Variants in P2RX1 observed in about 807,000 individuals in gnomAD.
P2RX1 encodes P2X purinoceptor 1.
In P2RX1, 42 loss-of-function variants were observed where a neutral mutation model predicts 50.3. That is an observed-to-expected ratio of 0.83 (90% CI 0.65 to 1.08). The LOEUF (loss-of-function observed/expected upper bound fraction) is 1.08. Among genes scored for constraint, P2RX1 ranks in the 50% least tolerant of loss-of-function variants. The pLI is 0.00. For missense variants in P2RX1, 449 were observed against 529.0 expected (o/e 0.85, Z 1.48); for synonymous variants, 199 against 202.6 (o/e 0.98, Z 0.15).
At chr17:3,910,380 C>G (rs536408036) in intron 1 of P2RX1, among the ~76,000 whole-genome samples, 3 of 152,212 alleles carry the variant, frequency 2.0e-5, no homozygotes, top group Non-Finnish European at 4.4e-5. Flanking sequence ...CCTGTGTCCT[C>G]GTCATGGAGA....
intron 1 of P2RX1, among the ~76,000 whole-genome samples, chr17:3,913,860 T>TGGG (rs11410901): frequency 1.1e-4 from 16 of 144,256 alleles, no homozygotes; most frequent in African/African-American, 3.4e-4. Flanking sequence ...AGTGCACTCT[T>TGGG]GGGGGGGGTG....
intron 1 of P2RX1, among the ~76,000 whole-genome samples, chr17:3,910,125 C>G (rs1480625142): frequency 6.6e-6 from 1 of 152,020 alleles, no homozygotes; most frequent in East Asian, 1.9e-4. Flanking sequence ...CAGGCGCACA[C>G]CAACACGCCT....
chr17:3,910,289 C>T (rs531972776), intron 1 of P2RX1, among the ~76,000 whole-genome samples: 29 of 152,134 alleles, frequency 1.9e-4, no homozygotes, highest in Non-Finnish European at 2.6e-4. Flanking sequence ...AAATCTATTT[C>T]GTGCCAAGCA....
Position 3,898,564 on chromosome 17 carries a change from C to G in P2RX1, c.967-15G>C. 6.2e-7 allele frequency: 1 copy of G among 1,609,772 alleles called. No individual in the cohort carries two copies. The highest frequency in any genetic ancestry group is 8.5e-7 in the Non-Finnish European group (1 of 1,176,198). On this transcript the variant is annotated splice_polypyrimidine_tract_variant and intron_variant, in intron 9 of 11. Transcript: ENST00000225538. Reference sequence around the variant, plus strand: ...AACTTCCCGGCCTGGTGGCAGGACCCAGGGAGAGAAGGGCTAACCGTCGGA... The same window carrying G: ...AACTTCCCGGCCTGGTGGCAGGACCGAGGGAGAGAAGGGCTAACCGTCGGA...
chr17:3,910,957 T>C (rs1182363335), intron 1 of P2RX1, among the ~76,000 whole-genome samples: 1 of 152,204 alleles, frequency 6.6e-6, no homozygotes, highest in Admixed American at 6.5e-5. Context: ...GCCAACCATT[T>C]GTGTTTTTAA....
At chr17:3,911,189 T>C (rs1005531110) in intron 1 of P2RX1, among the ~76,000 whole-genome samples, 2 of 151,468 alleles carry the variant, frequency 1.3e-5, no homozygotes, top group Non-Finnish European at 2.9e-5. Flanking sequence ...GGCCTCACTG[T>C]GTTGGCCAGG....
chr17:3,904,159 G>C, intron 4 of P2RX1, 135 bp from the exon 5 acceptor site: 2 of 1,009,292 alleles, frequency 2.0e-6, no homozygotes, highest in South Asian at 2.6e-5. Flanking sequence ...GGTCCCGGAC[G>C]GGCAGGCCAA....
intron 3 of P2RX1, 42 bp downstream of exon 3, chr17:3,904,816 C>T: frequency 6.8e-7 from 1 of 1,476,294 alleles, no homozygotes; most frequent in Admixed American, 1.9e-5. Context: ...GTCATTTTCC[C>T]CTGTGAGTCC....
intron 9 of P2RX1, 52 bp downstream of exon 9, chr17:3,898,882 C>A: frequency 7.1e-7 from 1 of 1,409,404 alleles, no homozygotes; most frequent in Non-Finnish European, 1.0e-6. Context: ...AAGGTACTCA[C>A]AGGAGCTGAG....
At chr17:3,912,528 A>T (rs2056383629) in intron 1 of P2RX1, among the ~76,000 whole-genome samples, 1 of 151,960 alleles carries the variant, frequency 6.6e-6, no homozygotes, top group African/African-American at 2.4e-5. Flanking sequence ...ATGGGTTTTC[A>T]CCATGTTGGC....
chr17:3,898,394 G>A, intron 10 of P2RX1, 90 bp downstream of exon 10: 2 of 1,052,802 alleles, frequency 1.9e-6, no homozygotes, highest in Admixed American at 1.9e-5. Flanking sequence ...TTAGGGTCAA[G>A]TTTTAGGGTG....
chr17:3,907,241 G>A lies in P2RX1; in HGVS notation c.138-1874C>T, dbSNP rs113536435. On this transcript the variant is annotated intron_variant, in intron 1 of 11. Coordinates refer to ENST00000225538, the MANE Select transcript of P2RX1 (RefSeq NM_002558.4). ...AGTCCTGGATAACACTCCTCTCCAG[G>A]CTGTGGCCCCTTCCTCGAGGAAAGA... Among the ~76,000 whole-genome samples, 887 of 151,726 alleles carry A rather than the reference G, an allele frequency of 5.8e-3. 9 individuals are homozygous for A. Among genetic ancestry groups the A allele is most frequent in the African/African-American group, 0.02 (834 of 41,278 alleles).
intron 1 of P2RX1, among the ~76,000 whole-genome samples, chr17:3,913,417 G>A (rs576656331): frequency 9.8e-5 from 15 of 152,310 alleles, no homozygotes; most frequent in Admixed American, 9.2e-4. Context: ...ATGAGCCACT[G>A]TGCCCAGCCT....
At position 3,903,413 on chromosome 17, in the gene P2RX1, T is replaced by TG. The variant is rs1385900141; in HGVS notation, c.606-71dup. On this transcript the variant is annotated intron_variant, in intron 6 of 11. Transcript: ENST00000225538. This position sits in a 1 kb window ranked among gnomAD's most constrained non-coding sequence, Gnocchi z 4.6. ...AGGGTGCCCACCACGCCCCAAAGCC[T>TG]GGGGACCCCTCACAGGCTCCACATT... The TG allele has an allele frequency of 6.8e-6, 11 of 1,607,168 alleles. No individual in the cohort carries two copies. The African/African-American group carries it at 1.5e-4, about 22-fold the overall frequency.
chr17:3,897,923 G>A, intron 11 of P2RX1, 44 bp from the exon 12 acceptor site: 1 of 1,611,842 alleles, frequency 6.2e-7, no homozygotes, highest in South Asian at 1.1e-5. Context: ...GTCAGTGCTG[G>A]GGAAGCAGCT....
At position 3,898,523 on chromosome 17, in the gene P2RX1, T is replaced by C. The variant is rs1380872972; in HGVS notation, c.993A>G (p.Thr331=). Reference sequence around the variant, plus strand: ...CAATTCCAGAGCCGATGGTGGTCATTGTAGGGATGATGTCAAACTTCCCGG... The same window carrying C: ...CAATTCCAGAGCCGATGGTGGTCATCGTAGGGATGATGTCAAACTTCCCGG... ...GKAGKFDIIP[T]MTTIGSGIGI... is the part of the protein sequence containing the mutation. The change falls in exon 10 of 12, where the codon ACA becomes ACG. Residue 331 remains threonine (T), a synonymous_variant. Transcript: ENST00000225538. 2 of 1,613,832 alleles carry C rather than the reference T, an allele frequency of 1.2e-6. No homozygotes were observed. The highest frequency in any genetic ancestry group is 1.7e-6 in the Non-Finnish European group (2 of 1,179,934).
rs1317126910 is a variant in P2RX1 at position 3,898,473 on chromosome 17, C to T, written c.1032+11G>A. The T allele has an allele frequency of 1.8e-5, 29 of 1,611,122 alleles. No homozygotes were observed. Among genetic ancestry groups the T allele is most frequent in the Non-Finnish European group, 2.5e-5 (29 of 1,177,438 alleles). On this transcript the variant is annotated intron_variant, in intron 10 of 11. Transcript: ENST00000225538. ...ACCCCAGCACAGTGAGCCGGTGACC[C>T]CAGCACTTACCACCCCAAAGATGCC... is the stretch of plus-strand genomic sequence containing the variant.
At chr17:3,898,342 G>T in intron 10 of P2RX1, 142 bp downstream of exon 10, 5 of 789,760 alleles carry the variant, frequency 6.3e-6, no homozygotes, top group Non-Finnish European at 1.1e-5. Flanking sequence ...GATCTATGTA[G>T]TTGGTGGGGT....
At position 3,903,745 on chromosome 17, in the gene P2RX1, T is replaced by C; in HGVS notation, c.525-114A>G. The C allele has an allele frequency of 1.6e-6, 2 of 1,248,602 alleles. No individual in the cohort carries two copies. Among genetic ancestry groups the C allele is most frequent in the Non-Finnish European group, 2.3e-6 (2 of 857,600 alleles). 77.3% of individuals were successfully genotyped at this position (1,248,602 alleles called of 1,614,324 possible). A position where few individuals can be genotyped will look rare whatever the true frequency, so the allele number is the denominator to read the frequency against. ...AGCCTCCGGGACCCGCCTGCAGCCC[T>C]GGGCTGGTGGAGGGGTGGGTGTGCT... On this transcript the variant is annotated intron_variant, in intron 5 of 11. Coordinates refer to ENST00000225538, the MANE Select transcript of P2RX1 (RefSeq NM_002558.4). The surrounding 1 kb of genome is among the most constrained non-coding windows in gnomAD (Gnocchi z 4.6).
Sources: allele counts gnomAD v4.1 joint callset (sites outside exome capture counted in the v4.1 genomes callset), GRCh38; gene constraint gnomAD v4.1.1; non-coding constraint Gnocchi (gnomAD v3.1); transcripts MANE v1.5; gene names NCBI Gene and HGNC (gene_info 2026-07-23, HGNC 2026-07-21).